Variants in NEDD9 observed in about 807,000 individuals in gnomAD.
The protein encoded by NEDD9 is neural precursor cell expressed, developmentally down-regulated 9.
Under a neutral mutation model 76.6 loss-of-function variants are expected in NEDD9, and 26 were observed. That is an observed-to-expected ratio of 0.34 (90% confidence interval 0.25 to 0.47). The LOEUF (loss-of-function observed/expected upper bound fraction) is 0.47. Among genes scored for constraint, NEDD9 ranks in the 20% least tolerant of loss-of-function variants. The pLI, the probability that NEDD9 is intolerant of heterozygous loss-of-function variation, is 1.00. For synonymous variants in NEDD9, 392 were observed against 414.2 expected (o/e 0.95, Z 0.65); for missense variants, 937 against 1,058.5 (o/e 0.89, Z 1.59).
At chr6:11,381,402 C>T (rs1241845677) in intron 1 of NEDD9, among the ~76,000 whole-genome samples, 1 of 152,206 alleles carries the variant, frequency 6.6e-6, no homozygotes, top group Non-Finnish European at 1.5e-5. Flanking sequence ...CGATTGTCCC[C>T]TTTATGATTA....
intron 3 of NEDD9, among the ~76,000 whole-genome samples, chr6:11,254,667 C>A (rs1200894825): frequency 6.6e-6 from 1 of 152,188 alleles, no homozygotes; most frequent in Non-Finnish European, 1.5e-5. Flanking sequence ...ACTGCCATGA[C>A]AGCCATCTGG....
chr6:11,279,077 T>C (rs1275521809), intron 3 of NEDD9, among the ~76,000 whole-genome samples: 1 of 152,218 alleles, frequency 6.6e-6, no homozygotes, highest in Non-Finnish European at 1.5e-5. Context: ...GTCAATATAC[T>C]TGATTGAAGT....
intron 2 of NEDD9, among the ~76,000 whole-genome samples, chr6:11,319,554 ATG>A (rs369564687): frequency 7.9e-6 from 1 of 126,378 alleles, no homozygotes; most frequent in Non-Finnish European, 1.7e-5. Flanking sequence ...ACACACTAAC[ATG>A]CGGACACACA....
chr6:11,338,973 C>CT (rs1762220461), intron 1 of NEDD9, among the ~76,000 whole-genome samples: 1 of 147,374 alleles, frequency 6.8e-6, no homozygotes, highest in Non-Finnish European at 1.5e-5. Flanking sequence ...TTTTCCTATT[C>CT]TTTTTTAATT....
At chr6:11,226,890 G>T (rs920541554) in intron 1 of NEDD9, among the ~76,000 whole-genome samples, 19 of 152,122 alleles carry the variant, frequency 1.2e-4, no homozygotes, top group African/African-American at 4.6e-4. Flanking sequence ...ATTCTCATTT[G>T]ATAAATGAGG....
intron 3 of NEDD9, among the ~76,000 whole-genome samples, chr6:11,239,769 G>A (rs922934525): frequency 1.3e-5 from 2 of 152,030 alleles, no homozygotes; most frequent in African/African-American, 2.4e-5. Context: ...TAATAGGCCA[G>A]GCACGGTGGC....
intron 2 of NEDD9, among the ~76,000 whole-genome samples, chr6:11,327,165 G>A (rs1374652557): frequency 6.6e-6 from 1 of 152,192 alleles, no homozygotes; most frequent in Non-Finnish European, 1.5e-5. Context: ...CTGTCAGCAA[G>A]TCACTTAACA....
Position 11,337,803 on chromosome 6 carries a change from G to T in NEDD9, c.-213-3242C>A, listed in dbSNP as rs543513488. ...CTGAGTTTTGTTTCATGGATTTATCGCTCCAACAAGCTGTTGTTCTTAGTT... is the reference window on the plus strand; with the variant it reads ...CTGAGTTTTGTTTCATGGATTTATCTCTCCAACAAGCTGTTGTTCTTAGTT... On this transcript the variant is annotated intron_variant, in intron 1 of 3. Coordinates refer to the NEDD9 transcript ENST00000397378. 5.9e-5 allele frequency among the ~76,000 whole-genome samples: 9 copies of T among 152,248 alleles called. 1 individual carries two copies. Among genetic ancestry groups the T allele is most frequent in the Admixed American group, 6.5e-5 (1 of 15,288 alleles).
chr6:11,380,856 T>G (rs1763049947), intron 1 of NEDD9, among the ~76,000 whole-genome samples: 1 of 152,124 alleles, frequency 6.6e-6, no homozygotes, highest in Non-Finnish European at 1.5e-5. Context: ...TCACCCAAGC[T>G]GCAGTGCAGT....
At chr6:11,306,132 T>A in exon 3 of NEDD9, 1 of 1,097,976 alleles carries the variant, frequency 9.1e-7, no homozygotes, top group Non-Finnish European at 1.4e-6. Flanking sequence ...TGTCTGACAT[T>A]ACGGACCTCA....
At chr6:11,355,841 C>A (rs901789997) in intron 1 of NEDD9, among the ~76,000 whole-genome samples, 12 of 152,172 alleles carry the variant, frequency 7.9e-5, no homozygotes, top group African/African-American at 2.2e-4. Context: ...CTGCCTCAGC[C>A]TCCCCAGTAG....
intron 3 of NEDD9, among the ~76,000 whole-genome samples, chr6:11,261,190 T>C (rs140890586): frequency 6.6e-6 from 1 of 152,324 alleles, no homozygotes; most frequent in Non-Finnish European, 1.5e-5. Flanking sequence ...GATGAAAATG[T>C]ACATTGGTAC....
At chr6:11,341,955 C>A (rs1299975890) in intron 1 of NEDD9, among the ~76,000 whole-genome samples, 1 of 151,866 alleles carries the variant, frequency 6.6e-6, no homozygotes, top group Non-Finnish European at 1.5e-5. Flanking sequence ...AGACAAATGG[C>A]CCTAAGTTGT....
intron 1 of NEDD9, among the ~76,000 whole-genome samples, chr6:11,357,742 G>A (rs1327800514): frequency 6.6e-6 from 1 of 152,218 alleles, no homozygotes; most frequent in Non-Finnish European, 1.5e-5. Context: ...AACAAGATGT[G>A]TGCACAAACA....
chr6:11,228,863 T>C (rs1312551143), intron 1 of NEDD9, among the ~76,000 whole-genome samples: 1 of 152,264 alleles, frequency 6.6e-6, no homozygotes, highest in Admixed American at 6.5e-5. Context: ...TTTAAATCCA[T>C]AGATCTCATA....
chr6:11,378,994 G>A (rs1003824816), intron 1 of NEDD9, among the ~76,000 whole-genome samples: 21 of 152,200 alleles, frequency 1.4e-4, no homozygotes, highest in Non-Finnish European at 2.2e-4. Context: ...CTGCTGGGAC[G>A]TTTGGGAGCC....
chr6:11,209,617 A>G (rs1758712849), intron 2 of NEDD9, among the ~76,000 whole-genome samples: 1 of 152,204 alleles, frequency 6.6e-6, no homozygotes, highest in African/African-American at 2.4e-5. Flanking sequence ...GGGACTTTCT[A>G]TGTATGCTTC....
intron 3 of NEDD9, among the ~76,000 whole-genome samples, chr6:11,263,013 A>C (rs1321440807): frequency 1.3e-5 from 2 of 152,216 alleles, no homozygotes; most frequent in African/African-American, 4.8e-5. Flanking sequence ...TTAACAGGAA[A>C]TCTAAAGGAA....
chr6:11,357,989 C>T (rs896749520), intron 1 of NEDD9, among the ~76,000 whole-genome samples: 4 of 152,134 alleles, frequency 2.6e-5, no homozygotes, highest in Non-Finnish European at 5.9e-5. Flanking sequence ...GTGGCTCACG[C>T]CTGTAATCTC....
Sources: allele counts gnomAD v4.1 joint callset (sites outside exome capture counted in the v4.1 genomes callset), GRCh38; gene constraint gnomAD v4.1.1; transcripts MANE v1.5; gene names NCBI Gene and HGNC (gene_info 2026-07-23, HGNC 2026-07-21).